Variants in NRG3 observed in about 807,000 individuals in gnomAD.
NRG3 encodes the protein neuregulin 3.
A neutral mutation model predicts 66.9 loss-of-function variants in NRG3; 31 were observed. The observed-to-expected ratio is 0.46, with a 90% confidence interval of 0.35 to 0.63. The LOEUF (loss-of-function observed/expected upper bound fraction) is 0.63, where lower values mean the gene tolerates loss of function less well. Among genes scored for constraint, NRG3 ranks in the 20% least tolerant of loss-of-function variants. The probability of loss-of-function intolerance (pLI) is 0.00; values close to 1 mark genes in which losing one functional copy is unlikely to be tolerated. For missense variants in NRG3, 910 were observed against 878.9 expected, an observed-to-expected ratio of 1.04 and a Z score of -0.45; for synonymous variants, 393 against 359.4, an observed-to-expected ratio of 1.09 and a Z score of -1.06.
intron 1 of NRG3, among the ~76,000 whole-genome samples, chr10:82,103,807 C>T (rs1213961326): frequency 6.6e-6 from 1 of 151,912 alleles, no homozygotes; most frequent in South Asian, 2.1e-4. Context: ...GCTGCCACTA[C>T]CATTATCATC....
At chr10:82,683,663 C>T (rs755923037) in intron 2 of NRG3, among the ~76,000 whole-genome samples, 4 of 152,150 alleles carry the variant, frequency 2.6e-5, no homozygotes, top group Non-Finnish European at 5.9e-5. Flanking sequence ...TAGAATTCCA[C>T]TTACCTTATA....
rs138784909 is a variant in NRG3, at chr10:82,889,887, CTCACCATCT to C, written c.1054+24454_1054+24462del. On this transcript the variant is annotated intron_variant, in intron 4 of 8. Transcript: ENST00000372141. ...TCCTGCTGATGAGCAGCACTCCACC[CTCACCATCT>C]TCAACTGAAACAGCCTTAGAGGAAT... 1.9e-3 allele frequency among the ~76,000 whole-genome samples: 291 copies of C among 152,258 alleles called. 2 individuals are homozygous for C. The highest frequency in any genetic ancestry group is 6.7e-3 in the African/African-American group (278 of 41,558).
At chr10:82,082,322 C>T (rs550141126) in intron 1 of NRG3, among the ~76,000 whole-genome samples, 4 of 152,174 alleles carry the variant, frequency 2.6e-5, no homozygotes, top group African/African-American at 4.8e-5. Flanking sequence ...TCTATTGCAC[C>T]GTAATCTCTA....
Position 82,358,757 on chromosome 10 carries a change from C to A in NRG3, c.842C>A (p.Thr281Lys). The part of the protein sequence containing the change: ...SPKFHTTTYS[T>K]ERSEHFKPCR... ...CTGACAGATACGACGACATATTCCA[C>A]AGAGCGATCCGAGCACTTCAAACCC... Residue 281 changes from threonine (T) to lysine (K), a missense_variant, in exon 2 of 9, where the codon ACA becomes AAA. Coordinates refer to ENST00000372141, the MANE Select transcript of NRG3 (RefSeq NM_001010848.4). 6.2e-7 allele frequency: 1 copy of A among 1,614,186 alleles called. No individual in the cohort carries two copies. The highest frequency in any genetic ancestry group is 2.2e-5 in the East Asian group (1 of 44,860).
intron 8 of NRG3, among the ~76,000 whole-genome samples, chr10:82,982,761 T>A (rs1853060026): frequency 6.6e-6 from 1 of 152,210 alleles, no homozygotes; most frequent in Admixed American, 6.5e-5. Context: ...GAACTTGAAA[T>A]CATGTCTAAT....
intron 2 of NRG3, among the ~76,000 whole-genome samples, chr10:82,721,360 G>A (rs1175031643): frequency 1.3e-5 from 2 of 151,230 alleles, no homozygotes; most frequent in East Asian, 2.0e-4. Flanking sequence ...GGATTGTCTC[G>A]ATCTTCTGAC....
intron 4 of NRG3, among the ~76,000 whole-genome samples, chr10:82,874,612 A>T (rs1409575596): frequency 6.6e-6 from 1 of 152,174 alleles, no homozygotes; most frequent in East Asian, 1.9e-4. Flanking sequence ...AATCAGATAT[A>T]GTGGAAAAAC....
intron 1 of NRG3, among the ~76,000 whole-genome samples, chr10:82,217,431 T>C (rs1428622272): frequency 6.6e-6 from 1 of 152,194 alleles, no homozygotes; most frequent in African/African-American, 2.4e-5. Context: ...CTAAATTAGA[T>C]ACTCTGAGGG....
At chr10:82,963,925 G>C (rs1444247606) in intron 6 of NRG3, among the ~76,000 whole-genome samples, 1 of 152,134 alleles carries the variant, frequency 6.6e-6, no homozygotes, top group Non-Finnish European at 1.5e-5. Context: ...GCTATTTTTG[G>C]TAGAGTTTTG....
intron 3 of NRG3, among the ~76,000 whole-genome samples, chr10:82,764,658 G>A (rs978249119): frequency 2.0e-5 from 3 of 152,064 alleles, no homozygotes; most frequent in South Asian, 2.1e-4. Context: ...GTACAGGCAT[G>A]AGCCACCACA....
At chr10:82,979,882 T>A (rs1340308771) in intron 8 of NRG3, among the ~76,000 whole-genome samples, 1 of 152,202 alleles carries the variant, frequency 6.6e-6, no homozygotes, top group Non-Finnish European at 1.5e-5. Flanking sequence ...TATTTTATGA[T>A]GTGGTCTTAG....
At chr10:82,471,781 C>T (rs1398267464) in intron 2 of NRG3, among the ~76,000 whole-genome samples, 1 of 151,860 alleles carries the variant, frequency 6.6e-6, no homozygotes. Context: ...CCCAGCTACT[C>T]CTGAGGCTGA....
chr10:82,567,829 T>G (rs1194159685), intron 2 of NRG3, among the ~76,000 whole-genome samples: 1 of 151,874 alleles, frequency 6.6e-6, no homozygotes, highest in Non-Finnish European at 1.5e-5. Flanking sequence ...GGCCCTCATA[T>G]TTCATCTTCA....
At chr10:82,717,101 C>T (rs1367766111) in intron 2 of NRG3, among the ~76,000 whole-genome samples, 10 of 151,808 alleles carry the variant, frequency 6.6e-5, no homozygotes, top group Admixed American at 5.9e-4. Context: ...CCAAAGACAC[C>T]GAATGATAGA....
At chr10:82,325,825 T>G (rs1419868688) in intron 1 of NRG3, among the ~76,000 whole-genome samples, 5 of 152,206 alleles carry the variant, frequency 3.3e-5, no homozygotes, top group African/African-American at 1.2e-4. Context: ...TTTATGCTAC[T>G]GTTATCAAAC....
At chr10:81,930,484 G>C (rs889021776) in intron 1 of NRG3, among the ~76,000 whole-genome samples, 3 of 147,468 alleles carry the variant, frequency 2.0e-5, no homozygotes, top group Non-Finnish European at 4.5e-5. Context: ...TCTTCTTGTA[G>C]AATAAGGGCT....
At chr10:82,106,917 T>TA (rs2067102653) in intron 1 of NRG3, among the ~76,000 whole-genome samples, 1 of 152,336 alleles carries the variant, frequency 6.6e-6, no homozygotes, top group Admixed American at 6.5e-5. Flanking sequence ...CCCAAAATGT[T>TA]ACACAGTTAG....
chr10:82,320,837 C>T (rs1255577070), intron 1 of NRG3, among the ~76,000 whole-genome samples: 2 of 152,122 alleles, frequency 1.3e-5, no homozygotes, highest in Admixed American at 1.3e-4. Context: ...TTGCCTTTTC[C>T]AAGACCAATC....
chr10:82,337,654 C>T (rs1013810246), intron 1 of NRG3, among the ~76,000 whole-genome samples: 11 of 152,088 alleles, frequency 7.2e-5, no homozygotes, highest in Non-Finnish European at 1.5e-4. Context: ...CATTGTTGTC[C>T]GTTCTAATGG....
Sources: gnomAD v4.1 joint callset for allele counts (sites outside exome capture counted in the v4.1 genomes callset) on GRCh38, gnomAD v4.1.1 for gene constraint, MANE v1.5 for transcripts, NCBI Gene and HGNC (gene_info 2026-07-23, HGNC 2026-07-21) for gene names.